The following CHEK2 variants were observed in gnomAD, a reference collection of about 807,000 sequenced individuals.
CHEK2 encodes the protein checkpoint kinase 2, also known as serine/threonine-protein kinase Chk2.
In CHEK2, 71 loss-of-function variants were observed where a neutral mutation model predicts 69.1. The observed-to-expected ratio is 1.03, with a 90% CI of 0.85 to 1.25. The LOEUF is 1.25. Ranked by LOEUF, CHEK2 falls within the 50% of genes most tolerant of loss-of-function variation. CHEK2 has a pLI of 0.00. For synonymous variants in CHEK2, 189 were observed against 226.9 expected, an observed-to-expected ratio of 0.83 and a Z score of 1.50; for missense variants, 664 against 649.6, an observed-to-expected ratio of 1.02 and a Z score of -0.24.
Position 28,687,885 on chromosome 22 carries a change from A to G in CHEK2, c.*12T>C. The G allele has an allele frequency of 6.3e-7, 1 of 1,591,628 alleles. No homozygotes were observed. Among genetic ancestry groups the G allele is most frequent in the South Asian group, 1.1e-5 (1 of 90,876 alleles). ...AAGAAGGTACATTTCTTTCGTGTTC[A>G]AACCACGGAGTTCACAACACAGCAG... is the stretch of plus-strand genomic sequence containing the variant. On this transcript the variant is annotated 3_prime_UTR_variant, in exon 15 of 15. Coordinates refer to ENST00000404276, the MANE Select transcript of CHEK2 (RefSeq NM_007194.4).
intron 13 of CHEK2, among the ~76,000 whole-genome samples, chr22:28,691,949 C>T (rs377299849): frequency 1.3e-5 from 2 of 152,220 alleles, no homozygotes; most frequent in South Asian, 2.1e-4. Flanking sequence ...CTATCACTAA[C>T]AGATGTTTTA....
At chr22:28,721,248 CA>C (rs972814599) in intron 4 of CHEK2, among the ~76,000 whole-genome samples, 39 of 147,984 alleles carry the variant, frequency 2.6e-4, no homozygotes, top group African/African-American at 9.4e-4. Context: ...TAGTTAACAA[CA>C]ATGTACTGTT....
At chr22:28,736,813 T>C (rs1319139835) in intron 1 of CHEK2, among the ~76,000 whole-genome samples, 1 of 124,508 alleles carries the variant, frequency 8.0e-6, no homozygotes, top group Admixed American at 1.1e-4. Context: ...CATGATGGCA[T>C]GCAGCTGTGG....
At chr22:28,721,576 C>T (rs1476231633) in intron 4 of CHEK2, 2 of 454,894 alleles carry the variant, frequency 4.4e-6, no homozygotes, top group East Asian at 7.1e-5. Flanking sequence ...CGTGAGCCAC[C>T]GCGCCCCGCC....
In CHEK2 at chr22:28,695,804, TG is replaced by T. The variant is rs758677815; in HGVS notation, c.1164del (p.Thr389ProfsTer25). 2 of 1,613,816 alleles carry T rather than the reference TG, an allele frequency of 1.2e-6. No individual in the cohort carries two copies. The highest frequency in any genetic ancestry group is 1.7e-6 in the Non-Finnish European group (2 of 1,179,768). ...TSLMRTLCGTPTYLAPEVLVS... is the reference protein window; with the variant it reads ...TSLMRTLCGTXTYLAPEVLVS... ...ACAAGAACTTCAGGCGCCAAGTAGGTGGGGGTTCCACATAAGGTTCTCATGA... is the reference window on the plus strand; with the variant it reads ...ACAAGAACTTCAGGCGCCAAGTAGGTGGGGTTCCACATAAGGTTCTCATGA... On this transcript the variant is annotated frameshift_variant, in exon 11 of 15. Coordinates refer to ENST00000404276, the MANE Select transcript of CHEK2 (RefSeq NM_007194.4). LOFTEE classifies it high-confidence loss of function.
chr22:28,741,793 C>A lies in CHEK2; in HGVS notation c.-31G>T, dbSNP rs1288351449. 2 of 493,274 alleles carry A rather than the reference C, an allele frequency of 4.1e-6. No individual in the cohort carries two copies. The highest frequency in any genetic ancestry group is 7.4e-6 in the Non-Finnish European group (2 of 271,348). The allele number at this position is 493,274 out of a possible 1,614,324, so 30.6% of individuals were successfully genotyped here. On this transcript the variant is annotated 5_prime_UTR_variant, in exon 1 of 15. Coordinates refer to ENST00000404276, the MANE Select transcript of CHEK2 (RefSeq NM_007194.4). ...CCGCGTGAGCCCACCTGGAGCCGCA[C>A]ACTCTCCGCAGCCTCAGCCAGCAGA...
chr22:28,735,035 G>A (rs1351417851), intron 1 of CHEK2, among the ~76,000 whole-genome samples: 1 of 152,028 alleles, frequency 6.6e-6, no homozygotes, highest in East Asian at 1.9e-4. Flanking sequence ...GCTCATAAAA[G>A]CTTACATTTG....
chr22:28,711,809 G>A (rs2053401455), intron 6 of CHEK2, 100 bp downstream of exon 6: 1 of 846,522 alleles, frequency 1.2e-6, no homozygotes, highest in African/African-American at 1.7e-5. Flanking sequence ...CATCTAAGCA[G>A]GGGGTTATTC....
In CHEK2 at chr22:28,690,103, C is replaced by G. The variant is rs184553987; in HGVS notation, c.1462-888G>C. 3.7e-3 allele frequency among the ~76,000 whole-genome samples: 566 copies of G among 152,304 alleles called. 28 individuals are homozygous for G. The East Asian group carries it at 0.081, about 22-fold the overall frequency. On this transcript the variant is annotated intron_variant, in intron 13 of 14. Coordinates refer to ENST00000404276, the MANE Select transcript of CHEK2 (RefSeq NM_007194.4). ...CATGTACTTTCCCACCCAACTCCAG[C>G]CCCTCCTCCCACTGAGCCAAGCATA...
At chr22:28,733,652 C>T (rs2146136022) in intron 2 of CHEK2, among the ~76,000 whole-genome samples, 1 of 152,268 alleles carries the variant, frequency 6.6e-6, no homozygotes, top group African/African-American at 2.4e-5. Flanking sequence ...GGCACGGTTG[C>T]TCATGCCTGT....
intron 8 of CHEK2, among the ~76,000 whole-genome samples, chr22:28,700,427 T>A (rs563814994): frequency 1.3e-5 from 2 of 152,054 alleles, no homozygotes; most frequent in Admixed American, 6.6e-5. Flanking sequence ...GTTGGCCAGG[T>A]TGGTCTCAAA....
At chr22:28,727,160 G>C (rs2054041003) in intron 2 of CHEK2, among the ~76,000 whole-genome samples, 1 of 152,120 alleles carries the variant, frequency 6.6e-6, no homozygotes, top group African/African-American at 2.4e-5. Context: ...TCCTGCCTCA[G>C]CCTCCCGAGT....
Position 28,734,502 on chromosome 22 carries a change from T to C in CHEK2, c.220A>G (p.Ile74Val), listed in dbSNP as rs2054318820. The change falls in exon 2 of 15, where the codon ATT (isoleucine) becomes GTT (valine). Residue 74 changes from isoleucine (I) to valine (V), a missense_variant. Coordinates refer to ENST00000404276, the MANE Select transcript of CHEK2 (RefSeq NM_007194.4). ...ETVSTQELYS[I>V]PEDQEPEDQE... Reference sequence around the variant, plus strand: ...TCCTCAGGTTCTTGGTCCTCAGGAATAGAATAGAGTTCCTGAGTGGACACT... The same window carrying C: ...TCCTCAGGTTCTTGGTCCTCAGGAACAGAATAGAGTTCCTGAGTGGACACT... 1 of 1,613,822 alleles carries C rather than the reference T, an allele frequency of 6.2e-7. No individual in the cohort carries two copies. Among genetic ancestry groups the C allele is most frequent in the Non-Finnish European group, 8.5e-7 (1 of 1,179,946 alleles).
chr22:28,711,859 G>T, intron 6 of CHEK2, 50 bp downstream of exon 6: 2 of 1,206,988 alleles, frequency 1.7e-6, no homozygotes, highest in Non-Finnish European at 2.5e-6. Flanking sequence ...ATTTTGGGAA[G>T]TTATGAAGAC....
chr22:28,708,199 C>T (rs1264086792), intron 7 of CHEK2, among the ~76,000 whole-genome samples: 2 of 151,854 alleles, frequency 1.3e-5, no homozygotes, highest in African/African-American at 4.8e-5. Flanking sequence ...TTGGAGGGCT[C>T]CTCTCTCCCA....
At chr22:28,736,410 A>G (rs1409076136) in intron 1 of CHEK2, among the ~76,000 whole-genome samples, 1 of 152,198 alleles carries the variant, frequency 6.6e-6, no homozygotes, top group Admixed American at 6.6e-5. Flanking sequence ...CGTTCAATCT[A>G]TATTCCCTGA....
In CHEK2 at chr22:28,700,781, T is replaced by C. The variant is rs899021038; in HGVS notation, c.909-844A>G. 2.6e-4 allele frequency among the ~76,000 whole-genome samples: 39 copies of C among 151,836 alleles called. 1 individual carries two copies. The highest frequency in any genetic ancestry group is 1.5e-5 in the Non-Finnish European group (1 of 68,020). On this transcript the variant is annotated intron_variant, in intron 8 of 14. Transcript: ENST00000404276. ...TCCTGGCACAGGTGCTTGGCAAGGT[T>C]ATTCCTTTATTTATTTATTTATTTT... is the stretch of plus-strand genomic sequence containing the variant.
chr22:28,724,905 G>A lies in CHEK2; in HGVS notation c.592+72C>T, dbSNP rs772050269. The A allele has an allele frequency of 4.7e-6, 7 of 1,497,460 alleles. No individual in the cohort carries two copies. The South Asian group carries it at 6.8e-5, about 15-fold the overall frequency. The allele number at this position is 1,497,460 out of a possible 1,614,324, so 92.8% of individuals were successfully genotyped here. A position where few individuals can be genotyped will look rare whatever the true frequency, so the allele number is the denominator to read the frequency against. On this transcript the variant is annotated intron_variant, in intron 4 of 14. Coordinates refer to ENST00000404276, the MANE Select transcript of CHEK2 (RefSeq NM_007194.4). ...ACTCACTTAAACCATATTCTGTAAG[G>A]ACAGGACAAATTTTCCTCCTATGAG... is the stretch of plus-strand genomic sequence containing the variant.
intron 5 of CHEK2, among the ~76,000 whole-genome samples, chr22:28,717,598 G>A (rs139769508): frequency 3.0e-4 from 45 of 151,902 alleles, no homozygotes; most frequent in African/African-American, 1.0e-3. Context: ...AATTAGGGCC[G>A]GGAGTGGTGG....
Sources: gnomAD v4.1 joint callset for allele counts (sites outside exome capture counted in the v4.1 genomes callset) on GRCh38, gnomAD v4.1.1 for gene constraint, MANE v1.5 for transcripts, NCBI Gene and HGNC (gene_info 2026-07-23, HGNC 2026-07-21) for gene names.